ADAMTSL1: variants seen among roughly 807,000 people sequenced by gnomAD.
ADAMTSL1 encodes ADAMTS-like protein 1.
A neutral mutation model predicts 201.8 loss-of-function variants in ADAMTSL1; 126 were observed. That is an observed-to-expected ratio of 0.62 (90% confidence interval 0.54 to 0.72). The LOEUF (loss-of-function observed/expected upper bound fraction) is 0.72, where lower values mean the gene tolerates loss of function less well. Among genes scored for constraint, ADAMTSL1 ranks in the 30% least tolerant of loss-of-function variants. The pLI, the probability that ADAMTSL1 is intolerant of heterozygous loss-of-function variation, is 0.00. For synonymous variants in ADAMTSL1, 1,121 were observed against 903.4 expected (o/e 1.24, Z -4.32); for missense variants, 2,679 against 2,277.8 (o/e 1.18, Z -3.59).
chr9:18,483,396 A>G (rs1821827188), intron 1 of ADAMTSL1, among the ~76,000 whole-genome samples: 1 of 152,132 alleles, frequency 6.6e-6, no homozygotes, highest in Non-Finnish European at 1.5e-5. Context: ...CTCCTGTATT[A>G]TACTGTGTGG....
intron 1 of ADAMTSL1, among the ~76,000 whole-genome samples, chr9:17,984,007 A>G (rs1818824357): frequency 6.6e-6 from 1 of 152,164 alleles, no homozygotes; most frequent in African/African-American, 2.4e-5. Context: ...TTAATAAGAG[A>G]TTTATAAAAT....
At chr9:18,836,884 T>C (rs1036021301) in intron 23 of ADAMTSL1, among the ~76,000 whole-genome samples, 1 of 152,206 alleles carries the variant, frequency 6.6e-6, no homozygotes, top group Non-Finnish European at 1.5e-5. Flanking sequence ...GTAAATGGCA[T>C]TGCATTCTTG....
At chr9:18,302,270 C>G (rs1833736031) in intron 2 of ADAMTSL1, among the ~76,000 whole-genome samples, 1 of 151,990 alleles carries the variant, frequency 6.6e-6, no homozygotes, top group Non-Finnish European at 1.5e-5. Flanking sequence ...ATAATCCTAC[C>G]TCAATGAGAT....
At chr9:18,615,204 T>G (rs1236607564) in intron 4 of ADAMTSL1, among the ~76,000 whole-genome samples, 1 of 152,164 alleles carries the variant, frequency 6.6e-6, no homozygotes, top group African/African-American at 2.4e-5. Flanking sequence ...GAAACCTTAG[T>G]TGTAAACCAA....
intron 1 of ADAMTSL1, among the ~76,000 whole-genome samples, chr9:17,996,280 C>A (rs148071953): frequency 6.6e-6 from 1 of 151,956 alleles, no homozygotes; most frequent in African/African-American, 2.4e-5. Flanking sequence ...TATTAATTAT[C>A]ATAAGGAACA....
chr9:18,194,587 G>C (rs1047714279), intron 2 of ADAMTSL1, among the ~76,000 whole-genome samples: 2 of 152,008 alleles, frequency 1.3e-5, no homozygotes, highest in African/African-American at 2.4e-5. Flanking sequence ...CAAGAATCTT[G>C]CTTTCTTGCT....
chr9:17,909,149 C>T lies in ADAMTSL1; in HGVS notation c.87+2227C>T, dbSNP rs375841474. Among the ~76,000 whole-genome samples the T allele has an allele frequency of 9.1e-4, 132 of 144,872 alleles. 2 individuals carry two copies. The East Asian group carries it at 0.021, about 23-fold the overall frequency. On this transcript the variant is annotated intron_variant, in intron 1 of 29. Transcript: ENST00000680146. ...GAGAAGTGTCTGTTCATGTCCTTCGCCCACTTTTTGATGGGGTTGTTTGTT... is the reference window on the plus strand; with the variant it reads ...GAGAAGTGTCTGTTCATGTCCTTCGTCCACTTTTTGATGGGGTTGTTTGTT...
chr9:18,218,821 A>G (rs1830148606), intron 2 of ADAMTSL1, among the ~76,000 whole-genome samples: 1 of 151,098 alleles, frequency 6.6e-6, no homozygotes, highest in Non-Finnish European at 1.5e-5. Context: ...TTGTGTAAAA[A>G]CCTCTTCTCT....
At chr9:18,169,885 A>G (rs147949859) in intron 2 of ADAMTSL1, among the ~76,000 whole-genome samples, 2 of 152,164 alleles carry the variant, frequency 1.3e-5, no homozygotes, top group Non-Finnish European at 1.5e-5. Flanking sequence ...TGTTTTAAAA[A>G]GGTAAGTCAT....
In ADAMTSL1 at chr9:18,777,067, C is replaced by G. The variant is rs776536195; in HGVS notation, c.2838C>G (p.Thr946=). 1.2e-6 allele frequency: 2 copies of G among 1,613,362 alleles called. No individual in the cohort carries two copies. The highest frequency in any genetic ancestry group is 1.7e-6 in the Non-Finnish European group (2 of 1,179,798). Residue 946 remains threonine (T), a synonymous_variant, in exon 19 of 29, where the codon ACC becomes ACG. Coordinates refer to ENST00000380548, the MANE Select transcript of ADAMTSL1 (RefSeq NM_001040272.6). ...RLKPSDAGVY[T]CSAGPAREHF... Reference sequence around the variant, plus strand: ...AGCCCTCGGATGCAGGCGTCTACACCTGCTCAGCGGGCCCGGCCCGGGAGC... The same window carrying G: ...AGCCCTCGGATGCAGGCGTCTACACGTGCTCAGCGGGCCCGGCCCGGGAGC...
intron 1 of ADAMTSL1, among the ~76,000 whole-genome samples, chr9:18,073,942 G>A (rs1277873236): frequency 6.6e-6 from 1 of 151,706 alleles, no homozygotes; most frequent in African/African-American, 2.4e-5. Context: ...TCACACGGGA[G>A]GTTATCAGCC....
intron 7 of ADAMTSL1, among the ~76,000 whole-genome samples, chr9:18,649,374 T>C (rs1343427349): frequency 6.6e-6 from 1 of 152,176 alleles, no homozygotes; most frequent in African/African-American, 2.4e-5. Flanking sequence ...GTCTGAAGCC[T>C]TCTTCTCTCA....
chr9:18,154,994 G>T (rs1285957797), intron 1 of ADAMTSL1, among the ~76,000 whole-genome samples: 2 of 151,994 alleles, frequency 1.3e-5, no homozygotes, highest in Non-Finnish European at 2.9e-5. Context: ...GTTGCTGGTG[G>T]GTGGTGATGG....
chr9:17,921,620 C>G (rs935736528), intron 1 of ADAMTSL1, among the ~76,000 whole-genome samples: 15 of 152,104 alleles, frequency 9.9e-5, no homozygotes, highest in Admixed American at 8.5e-4. Context: ...GGTTATGAGG[C>G]ACACTTTTCA....
At chr9:18,266,391 C>T (rs1346205632) in intron 2 of ADAMTSL1, among the ~76,000 whole-genome samples, 1 of 152,086 alleles carries the variant, frequency 6.6e-6, no homozygotes, top group Non-Finnish European at 1.5e-5. Context: ...AGTCAGTCGG[C>T]CAAGAGAACT....
At chr9:18,317,331 T>C (rs886236641) in intron 2 of ADAMTSL1, among the ~76,000 whole-genome samples, 4 of 152,024 alleles carry the variant, frequency 2.6e-5, no homozygotes, top group Admixed American at 2.6e-4. Context: ...ATGGTGACTT[T>C]TATTAATAAT....
intron 2 of ADAMTSL1, among the ~76,000 whole-genome samples, chr9:18,281,823 G>A (rs1832801266): frequency 6.6e-6 from 1 of 152,150 alleles, no homozygotes; most frequent in African/African-American, 2.4e-5. Flanking sequence ...TCCTACCTCA[G>A]CCTCTAAAAG....
intron 15 of ADAMTSL1, among the ~76,000 whole-genome samples, chr9:18,724,796 T>C (rs1817764240): frequency 6.6e-6 from 1 of 152,220 alleles, no homozygotes; most frequent in Admixed American, 6.5e-5. Flanking sequence ...GTGCTTTCCC[T>C]CCTCTGCATC....
intron 21 of ADAMTSL1, among the ~76,000 whole-genome samples, chr9:18,821,400 A>T (rs746149794): frequency 6.6e-6 from 1 of 152,062 alleles, no homozygotes; most frequent in Non-Finnish European, 1.5e-5. Context: ...CCTCTATCCT[A>T]TCAACCAGGA....
Sources: allele counts gnomAD v4.1 joint callset (sites outside exome capture counted in the v4.1 genomes callset), GRCh38; gene constraint gnomAD v4.1.1; transcripts MANE v1.5; gene names NCBI Gene and HGNC (gene_info 2026-07-23, HGNC 2026-07-21).